Variants in UBE2E2 observed in about 807,000 individuals in gnomAD.
UBE2E2 encodes the protein ubiquitin-conjugating enzyme E2 E2.
In UBE2E2, 6 loss-of-function variants were observed where a neutral mutation model predicts 24.7. The observed-to-expected ratio is 0.24, with a 90% confidence interval of 0.13 to 0.48. UBE2E2 has a LOEUF of 0.48. UBE2E2 is among the 20% of genes least tolerant of loss of function. The pLI, the probability that UBE2E2 is intolerant of heterozygous loss-of-function variation, is 0.99. For missense variants in UBE2E2, 169 were observed against 245.0 expected (o/e 0.69, Z 2.07); for synonymous variants, 104 against 83.6 (o/e 1.24, Z -1.33).
chr3:23,468,379 A>G (rs1472835134), intron 3 of UBE2E2, among the ~76,000 whole-genome samples: 3 of 152,350 alleles, frequency 2.0e-5, no homozygotes, highest in South Asian at 4.1e-4. Context: ...TACTTTTCCC[A>G]TATTATCTAC....
chr3:23,287,642 A>G (rs1020344343), intron 3 of UBE2E2, among the ~76,000 whole-genome samples: 1 of 151,982 alleles, frequency 6.6e-6, no homozygotes, highest in Non-Finnish European at 1.5e-5. Context: ...TCATGGTTCA[A>G]TTTTGGTAGG....
chr3:23,206,371 A>G (rs1391867157), intron 1 of UBE2E2, among the ~76,000 whole-genome samples: 2 of 152,266 alleles, frequency 1.3e-5, no homozygotes, highest in Non-Finnish European at 2.9e-5. Context: ...GAAATATGTT[A>G]CGACTTTTAG....
chr3:23,566,739 C>G lies in UBE2E2; in HGVS notation c.509-22995C>G, dbSNP rs535688108. On this transcript the variant is annotated intron_variant, in intron 5 of 5. Transcript: ENST00000396703. ...GAGCACTGAGCCGTTCATGAGGGATCCACCCCCCTGACCCCAACACCTGCC... is the reference window on the plus strand; with the variant it reads ...GAGCACTGAGCCGTTCATGAGGGATGCACCCCCCTGACCCCAACACCTGCC... Among the ~76,000 whole-genome samples, 4 of 152,204 alleles carry G rather than the reference C, an allele frequency of 2.6e-5. No homozygotes were observed. In the East Asian group the frequency reaches 7.7e-4, roughly 29 times the overall value.
At chr3:23,348,155 T>C (rs1431754689) in intron 3 of UBE2E2, among the ~76,000 whole-genome samples, 7 of 151,766 alleles carry the variant, frequency 4.6e-5, no homozygotes, top group African/African-American at 1.7e-4. Context: ...CTTAAGGAGG[T>C]CACTATATCT....
At chr3:23,497,368 A>T (rs2125454206) in intron 3 of UBE2E2, among the ~76,000 whole-genome samples, 1 of 152,364 alleles carries the variant, frequency 6.6e-6, no homozygotes, top group East Asian at 1.9e-4. Context: ...TGGAGAGATG[A>T]ACTGCTCATG....
intron 3 of UBE2E2, among the ~76,000 whole-genome samples, chr3:23,356,787 C>T (rs1695967146): frequency 6.6e-6 from 1 of 152,206 alleles, no homozygotes; most frequent in Non-Finnish European, 1.5e-5. Context: ...TAACAAACAA[C>T]ATCAAAATTT....
chr3:23,486,845 A>T (rs964244975), intron 3 of UBE2E2, among the ~76,000 whole-genome samples: 1 of 152,192 alleles, frequency 6.6e-6, no homozygotes, highest in Non-Finnish European at 1.5e-5. Flanking sequence ...CGACTGGCTA[A>T]AAGGCGTCAA....
At chr3:23,294,722 AAT>A (rs1199257153) in intron 3 of UBE2E2, among the ~76,000 whole-genome samples, 1 of 147,822 alleles carries the variant, frequency 6.8e-6, no homozygotes, top group Non-Finnish European at 1.5e-5. Flanking sequence ...TAAAATAAAT[AAT>A]ATATTTTAAA....
intron 4 of UBE2E2, among the ~76,000 whole-genome samples, chr3:23,508,716 A>G (rs144813138): frequency 5.5e-4 from 84 of 152,264 alleles, no homozygotes; most frequent in African/African-American, 1.9e-3. Context: ...TGGAGTTCCT[A>G]TCTCTGTGAA....
chr3:23,289,982 A>ATTG (rs141918909), intron 3 of UBE2E2, among the ~76,000 whole-genome samples: 6,812 of 152,328 alleles, frequency 0.045, 528 homozygotes, highest in African/African-American at 0.15. Context: ...TGCATGCAAA[A>ATTG]TTGACTAAAG....
At chr3:23,416,559 G>A (rs934826695) in intron 3 of UBE2E2, among the ~76,000 whole-genome samples, 2 of 152,124 alleles carry the variant, frequency 1.3e-5, no homozygotes, top group African/African-American at 4.8e-5. Flanking sequence ...GAGTATCTTT[G>A]TGGTGTTCTC....
At chr3:23,289,228 C>A (rs921196270) in intron 3 of UBE2E2, among the ~76,000 whole-genome samples, 1 of 152,188 alleles carries the variant, frequency 6.6e-6, no homozygotes, top group African/African-American at 2.4e-5. Flanking sequence ...TTAACAAATA[C>A]GGCTAAAGTG....
chr3:23,291,089 C>A (rs936629985), intron 3 of UBE2E2, among the ~76,000 whole-genome samples: 101 of 92,588 alleles, frequency 1.1e-3, no homozygotes, highest in African/African-American at 3.2e-3. Flanking sequence ...AAACAAAAAA[C>A]GTGAGCCTAG....
intron 3 of UBE2E2, among the ~76,000 whole-genome samples, chr3:23,346,609 A>G (rs537522022): frequency 1.3e-5 from 2 of 152,312 alleles, no homozygotes; most frequent in East Asian, 1.9e-4. Context: ...AATTAATAAG[A>G]TGTTCTCTTT....
intron 5 of UBE2E2, among the ~76,000 whole-genome samples, chr3:23,545,914 A>G (rs1433214529): frequency 6.6e-6 from 1 of 152,236 alleles, no homozygotes; most frequent in Admixed American, 6.5e-5. Context: ...CAGGAATTGA[A>G]AACCAAATAC....
intron 3 of UBE2E2, among the ~76,000 whole-genome samples, chr3:23,220,930 G>A (rs60417445): frequency 0.043 from 6,598 of 152,138 alleles, 497 homozygotes; most frequent in African/African-American, 0.15. Context: ...GCAGCTAGTG[G>A]GCCAGCAAAT....
At chr3:23,573,277 T>C (rs911915590) in intron 5 of UBE2E2, among the ~76,000 whole-genome samples, 2 of 152,186 alleles carry the variant, frequency 1.3e-5, no homozygotes, top group Non-Finnish European at 2.9e-5. Context: ...TACGCAAAGA[T>C]ATTTCTAAAC....
chr3:23,263,260 C>G (rs756227171), intron 3 of UBE2E2, among the ~76,000 whole-genome samples: 22 of 152,106 alleles, frequency 1.4e-4, no homozygotes, highest in Non-Finnish European at 2.6e-4. Flanking sequence ...TTATTTAAAT[C>G]TTTTATACAG....
chr3:23,396,877 G>C lies in UBE2E2; in HGVS notation c.228-102731G>C, dbSNP rs536554615. On this transcript the variant is annotated intron_variant, in intron 3 of 5. Transcript: ENST00000396703. ...TAGCCAAGCATTATGCAGGACAGGGGGGATGTGGTCACAAACCAATGTGGG... is the reference window on the plus strand; with the variant it reads ...TAGCCAAGCATTATGCAGGACAGGGCGGATGTGGTCACAAACCAATGTGGG... 2.6e-5 allele frequency among the ~76,000 whole-genome samples: 4 copies of C among 152,242 alleles called. No individual in the cohort carries two copies. The East Asian group carries it at 7.7e-4, about 29-fold the overall frequency.
Sources: gnomAD v4.1 joint callset for allele counts (sites outside exome capture counted in the v4.1 genomes callset) on GRCh38, gnomAD v4.1.1 for gene constraint, MANE v1.5 for transcripts, NCBI Gene and HGNC (gene_info 2026-07-23, HGNC 2026-07-21) for gene names.